The following PLCD1 variants were observed in gnomAD, a reference collection of about 807,000 sequenced individuals.
PLCD1 encodes phospholipase C delta 1, also known as 1-phosphatidylinositol 4,5-bisphosphate phosphodiesterase delta-1.
Under a neutral mutation model 87.4 loss-of-function variants are expected in PLCD1, and 71 were observed. The observed-to-expected ratio is 0.81, with a 90% CI of 0.67 to 0.99. The LOEUF (loss-of-function observed/expected upper bound fraction) is 0.99, where lower values mean the gene tolerates loss of function less well. PLCD1 is among the 50% of genes least tolerant of loss of function. The pLI is 0.00. For missense variants in PLCD1, 867 were observed against 1,001.5 expected (o/e 0.87, Z 1.81); for synonymous variants, 348 against 399.2 (o/e 0.87, Z 1.53).
At chr3:38,012,004 A>G (rs1289518817) in intron 3 of PLCD1, among the ~76,000 whole-genome samples, 1 of 151,888 alleles carries the variant, frequency 6.6e-6, no homozygotes, top group Non-Finnish European at 1.5e-5. Flanking sequence ...TCAACATTCC[A>G]AAGTATATCC....
At position 38,016,723 on chromosome 3, in the gene PLCD1, C is replaced by T. The variant is rs1019545410; in HGVS notation, c.200-4G>A. ...TCCTGAATGTCCTCGATGGAGACTG[C>T]GAGAGGGGGATGGTGGAGGAGAGAG... On this transcript the variant is annotated splice_polypyrimidine_tract_variant and splice_region_variant and intron_variant, in intron 2 of 14. Transcript: ENST00000334661. The T allele has an allele frequency of 1.6e-5, 24 of 1,542,052 alleles. No individual in the cohort carries two copies. The highest frequency in any genetic ancestry group is 2.4e-5 in the East Asian group (1 of 41,118).
rs754682174 is a variant in PLCD1 at position 38,010,567 on chromosome 3, G to C, written c.791-5C>G. 6.2e-7 allele frequency: 1 copy of C among 1,610,670 alleles called. No homozygotes were observed. Among genetic ancestry groups the C allele is most frequent in the South Asian group, 1.1e-5 (1 of 90,676 alleles). On this transcript the variant is annotated splice_polypyrimidine_tract_variant and splice_region_variant and intron_variant, in intron 5 of 14. Transcript: ENST00000334661. ...TCATCTGCCGCTGCGCCTTGGCTGGGAGGGAGGAGGCCACTGCCCGTCAGA... is the reference window on the plus strand; with the variant it reads ...TCATCTGCCGCTGCGCCTTGGCTGGCAGGGAGGAGGCCACTGCCCGTCAGA...
rs1186887667 is a variant in PLCD1 at position 38,025,392 on chromosome 3, A to G, written c.34+4114T>C. Among the ~76,000 whole-genome samples, 1 of 152,164 alleles carries G rather than the reference A, an allele frequency of 6.6e-6. No homozygotes were observed. The highest frequency in any genetic ancestry group is 1.5e-5 in the Non-Finnish European group (1 of 68,024). On this transcript the variant is annotated intron_variant, in intron 1 of 14. Coordinates refer to ENST00000334661, the MANE Select transcript of PLCD1 (RefSeq NM_006225.4). This position sits in a 1 kb window ranked among gnomAD's most constrained non-coding sequence, Gnocchi z 4.0. The stretch of plus-strand genomic sequence containing the variant: ...CCCAGTGGGAGGTGGATGGCAGTCT[A>G]GCGGGGACCTGAGTGGGGCGAGATC...
chr3:38,011,740 G>A (rs1700081696), intron 3 of PLCD1, 67 bp from the exon 4 acceptor site: 6 of 1,542,310 alleles, frequency 3.9e-6, no homozygotes, highest in Non-Finnish European at 5.4e-6. Flanking sequence ...CAGAGCCATG[G>A]ATGGCTCCAG....
In PLCD1 at chr3:38,020,328, T is replaced by C. The variant is rs780261200; in HGVS notation, c.59A>G (p.Gln20Arg). The C allele has an allele frequency of 1.2e-6, 2 of 1,614,090 alleles. No homozygotes were observed. Among genetic ancestry groups the C allele is most frequent in the South Asian group, 1.1e-5 (1 of 91,086 alleles). The part of the protein sequence containing the change: ...LHGLQDDEDL[Q>R]ALLKGSQLLK... The stretch of plus-strand genomic sequence containing the variant: ...GAGCTGGCTGCCCTTCAGCAGCGCC[T>C]GTAGATCCTCATCATCCTGTAGGCC... Residue 20 changes from glutamine to arginine, a missense_variant, in exon 2 of 15, where the codon CAG becomes CGG. Physicochemically the swap from Gln to Arg is conservative, Grantham distance 43 (BLOSUM62 1). Transcript: ENST00000334661.
chr3:38,020,292 T>C lies in PLCD1; in HGVS notation c.95A>G (p.Lys32Arg), dbSNP rs760193411. Residue 32 changes from lysine to arginine, a missense_variant, in exon 2 of 15, where the codon AAG becomes AGG. Coordinates refer to ENST00000334661, the MANE Select transcript of PLCD1 (RefSeq NM_006225.4). The part of the protein sequence containing the change: ...LLKGSQLLKV[K>R]SSSWRRERFY... ...GCGCTCTCTCCTCCATGAGCTGGAC[T>C]TCACCTTCAGGAGCTGGCTGCCCTT... The C allele has an allele frequency of 6.2e-7, 1 of 1,614,112 alleles. No homozygotes were observed. Among genetic ancestry groups the C allele is most frequent in the Non-Finnish European group, 8.5e-7 (1 of 1,179,988 alleles).
intron 2 of PLCD1, 67 bp from the exon 3 acceptor site, chr3:38,016,786 T>C: frequency 2.6e-6 from 3 of 1,135,034 alleles, no homozygotes; most frequent in Non-Finnish European, 3.9e-6. Context: ...GACCCTGACA[T>C]GGCCAAGGCC....
intron 1 of PLCD1, among the ~76,000 whole-genome samples, chr3:38,027,311 C>T (rs1266703748): frequency 6.6e-6 from 1 of 152,186 alleles, no homozygotes; most frequent in African/African-American, 2.4e-5. Context: ...AGGGGGCCTC[C>T]TGCAGGAACA....
intron 1 of PLCD1, among the ~76,000 whole-genome samples, chr3:38,022,710 C>T (rs183543975): frequency 6.6e-6 from 1 of 152,124 alleles, no homozygotes; most frequent in Admixed American, 6.5e-5. Flanking sequence ...GTGATAGCCA[C>T]AGCCCTCTGG....
chr3:38,013,358 G>A (rs896369262), intron 3 of PLCD1, among the ~76,000 whole-genome samples: 5 of 151,708 alleles, frequency 3.3e-5, no homozygotes, highest in African/African-American at 9.7e-5. Context: ...GACTACAGGC[G>A]CCCACCACCA....
chr3:38,008,816 T>C (rs1700012940), intron 11 of PLCD1, 180 bp from the exon 12 acceptor site: 1 of 678,778 alleles, frequency 1.5e-6, no homozygotes, highest in South Asian at 1.7e-5. Context: ...ACACCTTCCA[T>C]TCCTGGTGTG....
In PLCD1 at chr3:38,018,009, C is replaced by T. The variant is rs1700182921; in HGVS notation, c.200-1290G>A. 6.6e-6 allele frequency among the ~76,000 whole-genome samples: 1 copy of T among 152,198 alleles called. No homozygotes were observed. The highest frequency in any genetic ancestry group is 1.5e-5 in the Non-Finnish European group (1 of 68,034). ...ATGGGACCCCCACCCAAGGCCAGCGCCCTCACCCACACAGAGAGAAAGTCC... is the reference window on the plus strand; with the variant it reads ...ATGGGACCCCCACCCAAGGCCAGCGTCCTCACCCACACAGAGAGAAAGTCC... On this transcript the variant is annotated intron_variant, in intron 2 of 14. Transcript: ENST00000334661. The surrounding 1 kb of genome is among the most constrained non-coding windows in gnomAD (Gnocchi z 5.7).
chr3:38,028,079 G>A (rs1190990735), intron 1 of PLCD1, among the ~76,000 whole-genome samples: 1 of 152,216 alleles, frequency 6.6e-6, no homozygotes, highest in African/African-American at 2.4e-5. Flanking sequence ...GCTGCCTCAG[G>A]AGAGAAACTG....
At chr3:38,007,967 G>A in intron 14 of PLCD1, 47 bp downstream of exon 14, 1 of 1,613,084 alleles carries the variant, frequency 6.2e-7, no homozygotes, top group Non-Finnish European at 8.5e-7. Context: ...AGAGACGCCA[G>A]GCCCTGCTTC....
At chr3:38,008,421 G>C in intron 12 of PLCD1, 37 bp downstream of exon 12, 1 of 1,614,118 alleles carries the variant, frequency 6.2e-7, no homozygotes, top group Non-Finnish European at 8.5e-7. Context: ...GGGGAAGGGA[G>C]GTCCGTGGGC....
chr3:38,010,242 A>G lies in PLCD1; in HGVS notation c.1026T>C (p.Leu342=). 1 of 1,614,166 alleles carries G rather than the reference A, an allele frequency of 6.2e-7. No individual in the cohort carries two copies. The highest frequency in any genetic ancestry group is 8.5e-7 in the Non-Finnish European group (1 of 1,180,016). ...ALCKGCRCLE[L]DCWDGPNQEP... ...CCTGGTTGGGCCCGTCCCAGCAGTC[A>G]AGCTCCAGGCATCGGCAGCCTTTGC... Residue 342 remains leucine (L), a synonymous_variant, in exon 7 of 15, where the codon CTT becomes CTC. Transcript: ENST00000334661.
At position 38,025,367 on chromosome 3, in the gene PLCD1, C is replaced by A. The variant is rs1171157339; in HGVS notation, c.34+4139G>T. Reference sequence around the variant, plus strand: ...TCTGGGGAGAAAAGCTGAGGGGAGTCCCAGTGGGAGGTGGATGGCAGTCTA... The same window carrying A: ...TCTGGGGAGAAAAGCTGAGGGGAGTACCAGTGGGAGGTGGATGGCAGTCTA... On this transcript the variant is annotated intron_variant, in intron 1 of 14. Coordinates refer to ENST00000334661, the MANE Select transcript of PLCD1 (RefSeq NM_006225.4). This position sits in a 1 kb window ranked among gnomAD's most constrained non-coding sequence, Gnocchi z 4.0. 6.6e-6 allele frequency among the ~76,000 whole-genome samples: 1 copy of A among 152,160 alleles called. No homozygotes were observed. Among genetic ancestry groups the A allele is most frequent in the African/African-American group, 2.4e-5 (1 of 41,448 alleles).
intron 3 of PLCD1, among the ~76,000 whole-genome samples, chr3:38,014,964 G>C (rs767079471): frequency 7.9e-5 from 12 of 152,208 alleles, no homozygotes; most frequent in Non-Finnish European, 1.8e-4. Context: ...CAAATGTAGT[G>C]TCAAGGACAT....
In PLCD1 at chr3:38,009,640, C is replaced by T. The variant is rs747854129; in HGVS notation, c.1446+13G>A. ...AGGCCCGGGCTGCCCCACCCCACAG[C>T]TCCCCCTCAAACCTTGGGCTTGTGC... On this transcript the variant is annotated intron_variant, in intron 9 of 14. Transcript: ENST00000334661. The T allele has an allele frequency of 1.2e-5, 20 of 1,613,932 alleles. No homozygotes were observed. The South Asian group carries it at 2.1e-4, about 17-fold the overall frequency.
Sources: gnomAD v4.1 joint callset for allele counts (sites outside exome capture counted in the v4.1 genomes callset) on GRCh38, gnomAD v4.1.1 for gene constraint, Gnocchi (gnomAD v3.1) non-coding constraint, MANE v1.5 for transcripts, NCBI Gene and HGNC (gene_info 2026-07-23, HGNC 2026-07-21) for gene names.